The following FLVCR1 variants were observed in gnomAD, a reference collection of about 807,000 sequenced individuals.
FLVCR1 encodes FLVCR choline and heme transporter 1.
A neutral mutation model predicts 53.6 loss-of-function variants in FLVCR1; 34 were observed. The ratio of observed to expected loss-of-function variants is 0.63; its 90% CI spans 0.48 to 0.84. The LOEUF (loss-of-function observed/expected upper bound fraction) is 0.84, where lower values mean the gene tolerates loss of function less well. Among genes scored for constraint, FLVCR1 ranks in the 40% least tolerant of loss-of-function variants. The probability of loss-of-function intolerance (pLI) is 0.00; values close to 1 mark genes in which losing one functional copy is unlikely to be tolerated. For missense variants in FLVCR1, 677 were observed against 696.7 expected (o/e 0.97, Z 0.32); for synonymous variants, 300 against 286.3 (o/e 1.05, Z -0.48).
Position 212,886,535 on chromosome 1 carries a change from T to C in FLVCR1, c.1196+1139T>C, listed in dbSNP as rs1665069932. 3.9e-5 allele frequency among the ~76,000 whole-genome samples: 6 copies of C among 152,070 alleles called. No homozygotes were observed. In the South Asian group the frequency reaches 1.2e-3, roughly 32 times the overall value. ...AAAATGCTGGTTTGACACAATGTCTTATGCCTGTAATCCCAGCATTTTGGG... is the reference window on the plus strand; with the variant it reads ...AAAATGCTGGTTTGACACAATGTCTCATGCCTGTAATCCCAGCATTTTGGG... On this transcript the variant is annotated intron_variant, in intron 5 of 9. Coordinates refer to ENST00000366971, the MANE Select transcript of FLVCR1 (RefSeq NM_014053.4).
intron 4 of FLVCR1, among the ~76,000 whole-genome samples, chr1:212,883,839 C>CTTTT: frequency 7.0e-6 from 1 of 143,468 alleles, no homozygotes. Flanking sequence ...TATGAATCTC[C>CTTTT]TTTTTTTTTT....
chr1:212,859,817 A>G (rs1216358706), intron 1 of FLVCR1, among the ~76,000 whole-genome samples: 1 of 152,192 alleles, frequency 6.6e-6, no homozygotes, highest in Non-Finnish European at 1.5e-5. Context: ...GCAGTAACGA[A>G]CAAGACTTGG....
chr1:212,868,976 G>T (rs1664524316), intron 2 of FLVCR1, among the ~76,000 whole-genome samples: 1 of 152,184 alleles, frequency 6.6e-6, no homozygotes, highest in Non-Finnish European at 1.5e-5. Flanking sequence ...GTGAGCTGAG[G>T]CAGAGCCAGG....
At chr1:212,888,794 C>G (rs1322874169) in intron 7 of FLVCR1, among the ~76,000 whole-genome samples, 200 bp downstream of exon 7, 1 of 152,070 alleles carries the variant, frequency 6.6e-6, no homozygotes, top group East Asian at 1.9e-4. Flanking sequence ...AAGCAATCCT[C>G]CCCCCTCTGC....
At chr1:212,860,528 T>C (rs1304254432) in intron 1 of FLVCR1, among the ~76,000 whole-genome samples, 1 of 151,906 alleles carries the variant, frequency 6.6e-6, no homozygotes, top group Non-Finnish European at 1.5e-5. Flanking sequence ...CAGTTTAAAT[T>C]CATTTTTAAA....
In FLVCR1 at chr1:212,858,575, G is replaced by A; in HGVS notation, c.123G>A (p.Gly41=). ...VGKESVELQN[G]PKAGTFPVNG... is the part of the protein sequence containing the mutation. ...AGGAGAGCGTGGAGCTGCAGAACGGGCCCAAAGCGGGCACCTTCCCGGTGA... is the reference window on the plus strand; with the variant it reads ...AGGAGAGCGTGGAGCTGCAGAACGGACCCAAAGCGGGCACCTTCCCGGTGA... The change falls in exon 1 of 10, where the codon GGG becomes GGA. Residue 41 remains glycine, a synonymous_variant. Coordinates refer to ENST00000366971, the MANE Select transcript of FLVCR1 (RefSeq NM_014053.4). 1.3e-6 allele frequency: 2 copies of A among 1,496,442 alleles called. No homozygotes were observed. Among genetic ancestry groups the A allele is most frequent in the African/African-American group, 1.4e-5 (1 of 72,044 alleles). 92.7% of individuals were successfully genotyped at this position (1,496,442 alleles called of 1,614,324 possible). A position where few individuals can be genotyped will look rare whatever the true frequency, so the allele number is the denominator to read the frequency against.
chr1:212,861,151 C>G (rs1381034643), intron 1 of FLVCR1, among the ~76,000 whole-genome samples: 2 of 152,188 alleles, frequency 1.3e-5, no homozygotes, highest in Non-Finnish European at 2.9e-5. Context: ...GCCAGCCCTT[C>G]CACTTTATCT....
intron 3 of FLVCR1, among the ~76,000 whole-genome samples, chr1:212,877,396 G>C (rs1197069040): frequency 2.0e-5 from 3 of 151,986 alleles, no homozygotes; most frequent in African/African-American, 7.3e-5. Flanking sequence ...GTAATTTTTA[G>C]TAGAGACGGG....
chr1:212,863,955 A>G (rs923510335), intron 2 of FLVCR1, 86 bp downstream of exon 2: 70 of 1,096,250 alleles, frequency 6.4e-5, no homozygotes, highest in Non-Finnish European at 9.1e-5. Context: ...TGTTGATAAT[A>G]TCTCAAGTGT....
At chr1:212,878,867 T>C (rs1664842708) in intron 3 of FLVCR1, among the ~76,000 whole-genome samples, 1 of 152,022 alleles carries the variant, frequency 6.6e-6, no homozygotes, top group Non-Finnish European at 1.5e-5. Flanking sequence ...TCTGTGCCTG[T>C]AGTCCCAGCT....
intron 2 of FLVCR1, chr1:212,870,050 T>G (rs1211245382): frequency 1.3e-5 from 2 of 152,184 alleles, no homozygotes; most frequent in Non-Finnish European, 2.9e-5. Flanking sequence ...TCCTATCTGA[T>G]TAGGATACAA....
At chr1:212,862,507 C>G (rs191136321) in intron 1 of FLVCR1, among the ~76,000 whole-genome samples, 42 of 152,320 alleles carry the variant, frequency 2.8e-4, no homozygotes, top group African/African-American at 1.0e-3. Context: ...ATCAGTACTT[C>G]ATTCCTTTTT....
intron 5 of FLVCR1, 65 bp from the exon 6 acceptor site, chr1:212,887,826 T>A: frequency 1.2e-6 from 1 of 838,194 alleles, no homozygotes; most frequent in South Asian, 1.3e-5. Context: ...CAGGTAAGAG[T>A]GATGATTTTT....
intron 4 of FLVCR1, among the ~76,000 whole-genome samples, chr1:212,883,713 G>A (rs1469816239): frequency 6.6e-6 from 1 of 152,136 alleles, no homozygotes; most frequent in Non-Finnish European, 1.5e-5. Context: ...GGGCTTTATA[G>A]GCAGAAAAAG....
intron 8 of FLVCR1, among the ~76,000 whole-genome samples, chr1:212,894,165 A>G (rs1665273848): frequency 1.3e-5 from 2 of 151,840 alleles, no homozygotes. Flanking sequence ...ACAGTATAGT[A>G]TAAACATAAC....
In FLVCR1 at chr1:212,896,890, G is replaced by GAAAAA. The variant is rs1558124499; in HGVS notation, c.*1600_*1601insAAAAA. 50 of 93,586 alleles carry GAAAAA rather than the reference G, an allele frequency of 5.3e-4. 4 individuals carry two copies. Among genetic ancestry groups the GAAAAA allele is most frequent in the East Asian group, 2.5e-3 (7 of 2,850 alleles). The allele number at this position is 93,586 out of a possible 1,614,324, so 5.8% of individuals were successfully genotyped here. Reference sequence around the variant, plus strand: ...AAAAAAAAAAAAAAAAAAAAAAAAGGCCAGGCGCAGTGCTGTGGCTCATGC... The same window carrying GAAAAA: ...AAAAAAAAAAAAAAAAAAAAAAAAGGAAAAACCAGGCGCAGTGCTGTGGCTCATGC... On this transcript the variant is annotated 3_prime_UTR_variant, in exon 10 of 10. Transcript: ENST00000366971.
intron 1 of FLVCR1, among the ~76,000 whole-genome samples, chr1:212,860,519 A>G (rs1370268138): frequency 6.6e-6 from 1 of 151,242 alleles, no homozygotes; most frequent in African/African-American, 2.4e-5. Flanking sequence ...CACATCTCTC[A>G]GTTTAAATTC....
intron 5 of FLVCR1, 150 bp downstream of exon 5, chr1:212,885,546 G>GTTTA: frequency 1.7e-5 from 5 of 289,674 alleles, no homozygotes; most frequent in Non-Finnish European, 3.0e-5. Flanking sequence ...CTTAACAAGT[G>GTTTA]TTTCTTTTTT....
intron 3 of FLVCR1, among the ~76,000 whole-genome samples, chr1:212,882,335 TGG>T (rs1664953075): frequency 6.6e-6 from 1 of 152,162 alleles, no homozygotes; most frequent in African/African-American, 2.4e-5. Context: ...AATATCAACA[TGG>T]ATACATCTCA....
Sources: allele counts gnomAD v4.1 joint callset (sites outside exome capture counted in the v4.1 genomes callset), GRCh38; gene constraint gnomAD v4.1.1; transcripts MANE v1.5; gene names NCBI Gene and HGNC (gene_info 2026-07-23, HGNC 2026-07-21).